Variants in GPM6B observed in about 807,000 individuals in gnomAD.
The protein encoded by GPM6B is neuronal membrane glycoprotein M6-b.
A neutral mutation model predicts 27.2 loss-of-function variants in GPM6B; 4 were observed. The ratio of observed to expected loss-of-function variants is 0.15; its 90% CI spans 0.07 to 0.34. GPM6B has a LOEUF of 0.34. GPM6B is among the 10% of genes least tolerant of loss of function. The probability of loss-of-function intolerance (pLI) is 1.00; values close to 1 mark genes in which losing one functional copy is unlikely to be tolerated. For synonymous variants in GPM6B, 124 were observed against 103.1 expected, an observed-to-expected ratio of 1.20 and a Z score of -1.23; for missense variants, 183 against 261.9, an observed-to-expected ratio of 0.70 and a Z score of 2.08.
intron 7 of GPM6B, chrX:13,773,921 G>A (rs890392004): frequency 3.0e-4 from 201 of 665,144 alleles, no homozygotes; most frequent in Non-Finnish European, 3.2e-4. Context: ...TGATTGTGTT[G>A]TACCAAAAAA....
chrX:13,848,857 G>A (rs1414847741), intron 1 of GPM6B, among the ~76,000 whole-genome samples: 1 of 112,413 alleles, frequency 8.9e-6, no homozygotes, highest in Non-Finnish European at 1.9e-5. Context: ...AATCCACACT[G>A]TGGAACATTT....
Position 13,861,148 on chromosome X carries a change from T to C in GPM6B, c.-197-75340A>G, listed in dbSNP as rs75758845. 1.5e-4 allele frequency among the ~76,000 whole-genome samples: 12 copies of C among 80,146 alleles called. 1 individual carries two copies. In the South Asian group the frequency reaches 4.9e-3, roughly 33 times the overall value. The allele number at this position is 80,146 out of a possible 115,157, so 69.6% of individuals were successfully genotyped here. A position where few individuals can be genotyped will look rare whatever the true frequency, so the allele number is the denominator to read the frequency against. On this transcript the variant is annotated intron_variant, in intron 1 of 6. Transcript: ENST00000398361. The stretch of plus-strand genomic sequence containing the variant: ...CATACATATATATATAATATACATA[T>C]ATACATATACACACATACATATATA...
intron 1 of GPM6B, among the ~76,000 whole-genome samples, chrX:13,898,687 T>C (rs1451153842): frequency 8.9e-6 from 1 of 112,668 alleles, no homozygotes; most frequent in Non-Finnish European, 1.9e-5. Flanking sequence ...CAACCATTGA[T>C]TTCTTTCCAT....
At chrX:13,888,962 GAATATACAAAC>G (rs751867485) in intron 1 of GPM6B, 1 of 111,789 alleles carries the variant, frequency 8.9e-6, no homozygotes, top group South Asian at 3.8e-4. Flanking sequence ...TCTCAGGCTT[GAATATACAAAC>G]AATTTACCTG....
intron 1 of GPM6B, among the ~76,000 whole-genome samples, chrX:13,902,424 T>C (rs1283561720): frequency 1.8e-5 from 2 of 110,981 alleles, no homozygotes; most frequent in Non-Finnish European, 3.8e-5. Flanking sequence ...TTAATGAAAA[T>C]GGCTTGCTCA....
intron 1 of GPM6B, among the ~76,000 whole-genome samples, chrX:13,826,032 G>C (rs960600277): frequency 1.8e-5 from 2 of 111,869 alleles, no homozygotes; most frequent in Non-Finnish European, 3.8e-5. Flanking sequence ...AGAGGTGGTA[G>C]GGATGGAGAG....
chrX:13,826,951 T>A (rs1482947602), intron 1 of GPM6B, among the ~76,000 whole-genome samples: 1 of 110,089 alleles, frequency 9.1e-6, no homozygotes, highest in Non-Finnish European at 1.9e-5. Context: ...CCAGCCAACA[T>A]GAACAAGGGC....
chrX:13,902,538 TGA>T (rs1392388490), intron 1 of GPM6B, among the ~76,000 whole-genome samples: 4 of 110,985 alleles, frequency 3.6e-5, no homozygotes, highest in Non-Finnish European at 7.6e-5. Flanking sequence ...TTTGATCTCA[TGA>T]TCTCATGAGA....
intron 1 of GPM6B, among the ~76,000 whole-genome samples, chrX:13,856,394 C>T (rs1357804014): frequency 8.9e-6 from 1 of 111,995 alleles, no homozygotes; most frequent in Non-Finnish European, 1.9e-5. Context: ...GCAGCAGCAG[C>T]AGCATCTGGG....
intron 1 of GPM6B, among the ~76,000 whole-genome samples, chrX:13,899,405 CAAAAAAAA>C (rs58085220): frequency 5.5e-5 from 2 of 36,313 alleles, no homozygotes; most frequent in Non-Finnish European, 9.9e-5. Flanking sequence ...GACTCTGTCT[CAAAAAAAA>C]AAAAAAAAAA....
At chrX:13,816,805 G>A in intron 1 of GPM6B, 39 bp downstream of exon 1, 1 of 1,204,920 alleles carries the variant, frequency 8.3e-7, no homozygotes, top group African/African-American at 1.7e-5. Flanking sequence ...ACCCCCCAGT[G>A]AAAAGCTTTA....
At chrX:13,879,000 G>T (rs1384505067) in intron 1 of GPM6B, among the ~76,000 whole-genome samples, 1 of 112,201 alleles carries the variant, frequency 8.9e-6, no homozygotes, top group Non-Finnish European at 1.9e-5. Flanking sequence ...TTTTAGCCCA[G>T]TGAGACCTGC....
At chrX:13,868,009 G>A (rs2049936952) in intron 1 of GPM6B, among the ~76,000 whole-genome samples, 1 of 111,980 alleles carries the variant, frequency 8.9e-6, no homozygotes, top group African/African-American at 3.3e-5. Flanking sequence ...TTACTGGAAG[G>A]GCCAGTGAGA....
chrX:13,920,144 T>A (rs1429750614), intron 1 of GPM6B, among the ~76,000 whole-genome samples: 4 of 106,794 alleles, frequency 3.7e-5, no homozygotes, highest in Admixed American at 2.0e-4. Flanking sequence ...GCACCTATAA[T>A]CCCAGCTAGC....
intron 7 of GPM6B, among the ~76,000 whole-genome samples, chrX:13,774,860 C>T (rs780182358): frequency 2.7e-5 from 3 of 111,893 alleles, no homozygotes; most frequent in East Asian, 5.6e-4. Context: ...GACTTGGATG[C>T]GTTTCAAGAA....
intron 1 of GPM6B, among the ~76,000 whole-genome samples, chrX:13,900,980 A>G (rs1216384651): frequency 8.9e-6 from 1 of 112,087 alleles, no homozygotes; most frequent in African/African-American, 3.2e-5. Flanking sequence ...AGGAGGCTAT[A>G]TGCAAACCCC....
At chrX:13,817,139 C>T (rs1471120037), upstream of GPM6B, 3 of 942,116 alleles carry the variant, frequency 3.2e-6, no homozygotes, top group African/African-American at 2.1e-5. Context: ...GGCAGCCATA[C>T]GTCACCGAGG....
intron 1 of GPM6B, among the ~76,000 whole-genome samples, chrX:13,848,770 C>CA (rs1306808347): frequency 8.9e-6 from 1 of 112,159 alleles, no homozygotes; most frequent in Non-Finnish European, 1.9e-5. Flanking sequence ...AACTTCTGTC[C>CA]ACACAAAAAC....
chrX:13,862,151 G>A (rs775310264), intron 1 of GPM6B, among the ~76,000 whole-genome samples: 1 of 111,378 alleles, frequency 9.0e-6, no homozygotes, highest in Admixed American at 9.6e-5. Flanking sequence ...TCTATTAAGT[G>A]GATCTTGGTC....
Sources: gnomAD v4.1 joint callset for allele counts (sites outside exome capture counted in the v4.1 genomes callset) on GRCh38, gnomAD v4.1.1 for gene constraint, MANE v1.5 for transcripts, NCBI Gene and HGNC (gene_info 2026-07-23, HGNC 2026-07-21) for gene names.